CUL2: variants seen among roughly 807,000 people sequenced by gnomAD.
The protein encoded by CUL2 is cullin 2.
CUL2 carries 22 observed loss-of-function variants against 110.2 expected under a neutral mutation model. That is an observed-to-expected ratio of 0.20 (90% confidence interval 0.14 to 0.28). CUL2 has a LOEUF of 0.28. Ranked by LOEUF, CUL2 falls within the 10% of genes least tolerant of loss-of-function variation. CUL2 has a pLI of 1.00. For missense variants in CUL2, 631 were observed against 905.5 expected, an observed-to-expected ratio of 0.70 and a Z score of 3.89; for synonymous variants, 279 against 293.2, an observed-to-expected ratio of 0.95 and a Z score of 0.49.
chr10:35,049,327 C>G (rs528271808), intron 6 of CUL2, among the ~76,000 whole-genome samples: 1 of 152,214 alleles, frequency 6.6e-6, no homozygotes, highest in African/African-American at 2.4e-5. Context: ...GTGGTCCTCA[C>G]GAGGATTTAA....
intron 17 of CUL2, among the ~76,000 whole-genome samples, chr10:35,022,286 A>G (rs1039983567): frequency 6.6e-6 from 1 of 152,220 alleles, no homozygotes; most frequent in South Asian, 2.1e-4. Context: ...TTGTGAGCTA[A>G]TAACTCCAGC....
chr10:35,059,982 A>G (rs2148482), intron 4 of CUL2, among the ~76,000 whole-genome samples: 50,058 of 152,222 alleles, frequency 0.33, 8,319 homozygotes, highest in South Asian at 0.35. Context: ...TAATTTAGCC[A>G]GGCACAGTGG....
chr10:35,079,949 T>G (rs2086906670), intron 1 of CUL2, among the ~76,000 whole-genome samples: 1 of 152,236 alleles, frequency 6.6e-6, no homozygotes, highest in Non-Finnish European at 1.5e-5. Context: ...GTAGAGATGC[T>G]GGACAAAGGG....
intron 1 of CUL2, among the ~76,000 whole-genome samples, chr10:35,072,372 CTTTTT>C (rs150456156): frequency 7.0e-6 from 1 of 142,930 alleles, no homozygotes. Flanking sequence ...ACTTAATGGG[CTTTTT>C]TTTTTTTTTG....
intron 2 of CUL2, among the ~76,000 whole-genome samples, chr10:35,097,713 C>A (rs1014302473): frequency 6.6e-6 from 1 of 152,094 alleles, no homozygotes. Context: ...GCAATTGACA[C>A]TTTGGGAGTC....
chr10:35,016,481 G>T, intron 17 of CUL2, 87 bp from the exon 18 acceptor site: 1 of 999,188 alleles, frequency 1.0e-6, no homozygotes, highest in Non-Finnish European at 1.5e-6. Context: ...TCTTCGGAAA[G>T]AGTGAACCAA....
At chr10:35,021,841 T>C (rs1255930813) in intron 17 of CUL2, among the ~76,000 whole-genome samples, 13 of 73,236 alleles carry the variant, frequency 1.8e-4, no homozygotes, top group East Asian at 9.3e-4. Context: ...CGAGGTGAGG[T>C]GAGGTGAGGT....
At chr10:35,042,761 AAGTG>A in intron 8 of CUL2, among the ~76,000 whole-genome samples, 1 of 152,174 alleles carries the variant, frequency 6.6e-6, no homozygotes, top group East Asian at 1.9e-4. Flanking sequence ...AGTAAACATT[AAGTG>A]AGTGTTTCCC....
At chr10:35,079,110 C>T (rs2086888213) in intron 1 of CUL2, among the ~76,000 whole-genome samples, 1 of 152,142 alleles carries the variant, frequency 6.6e-6, no homozygotes, top group Non-Finnish European at 1.5e-5. Context: ...ACATACATAC[C>T]TATGATAAAG....
chr10:35,016,657 C>G (rs1277409146), intron 17 of CUL2, among the ~76,000 whole-genome samples: 2 of 152,024 alleles, frequency 1.3e-5, no homozygotes, highest in African/African-American at 2.4e-5. Flanking sequence ...CCAGGCGCAG[C>G]GGCTCACGCC....
intron 17 of CUL2, among the ~76,000 whole-genome samples, chr10:35,023,032 G>A (rs372036036): frequency 1.3e-5 from 2 of 152,190 alleles, no homozygotes; most frequent in African/African-American, 4.8e-5. Context: ...GACAGAGCAA[G>A]ACCCCATCTC....
At chr10:35,095,736 T>A (rs946612811) in intron 2 of CUL2, among the ~76,000 whole-genome samples, 3 of 152,094 alleles carry the variant, frequency 2.0e-5, no homozygotes, top group Non-Finnish European at 4.4e-5. Context: ...TTTTTTTGTA[T>A]TTTTAGTAGA....
At chr10:35,095,038 G>A (rs1338920348), upstream of CUL2, among the ~76,000 whole-genome samples, 1 of 151,986 alleles carries the variant, frequency 6.6e-6, no homozygotes, top group Admixed American at 6.6e-5. Flanking sequence ...AATGTTGGCG[G>A]GGCACAATGG....
At chr10:35,103,308 A>ATTTTTTTTTT (rs67257350) in intron 1 of CUL2, among the ~76,000 whole-genome samples, 16 of 94,572 alleles carry the variant, frequency 1.7e-4, no homozygotes, top group African/African-American at 3.7e-4. Flanking sequence ...GGCCAAGCTA[A>ATTTTTTTTTT]TTTTTTTTTT....
rs1459287945 is a variant in CUL2 at position 35,039,137 on chromosome 10, T to A, written c.715-55A>T. The A allele has an allele frequency of 2.5e-6, 3 of 1,194,314 alleles. No homozygotes were observed. The East Asian group carries it at 7.9e-5, about 32-fold the overall frequency. The allele number at this position is 1,194,314 out of a possible 1,614,324, so 74.0% of individuals were successfully genotyped here. On this transcript the variant is annotated intron_variant, in intron 8 of 20. Coordinates refer to ENST00000374749, the MANE Select transcript of CUL2 (RefSeq NM_003591.4). The stretch of plus-strand genomic sequence containing the variant: ...CACAAAGTTTTACTATGAGGAAAAA[T>A]CTGTAATATCAGCAAGTAACTCAGC...
chr10:35,019,735 C>T (rs530105583), intron 17 of CUL2, among the ~76,000 whole-genome samples: 48 of 152,300 alleles, frequency 3.2e-4, no homozygotes, highest in African/African-American at 1.0e-3. Flanking sequence ...AAGTCACTCC[C>T]CAGTATCTGT....
upstream of CUL2, among the ~76,000 whole-genome samples, chr10:35,095,495 A>G (rs2135095741): frequency 6.6e-6 from 1 of 152,262 alleles, no homozygotes; most frequent in East Asian, 1.9e-4. Context: ...GCTATTTTGT[A>G]GTCAGCTATT....
chr10:35,026,595 C>T (rs147241096), intron 16 of CUL2, among the ~76,000 whole-genome samples: 720 of 152,080 alleles, frequency 4.7e-3, no homozygotes, highest in Non-Finnish European at 7.0e-3. Flanking sequence ...GTTTTATTGA[C>T]GATAATATCA....
intron 1 of CUL2, among the ~76,000 whole-genome samples, chr10:35,119,631 T>C (rs980987993): frequency 6.6e-6 from 1 of 151,784 alleles, no homozygotes; most frequent in Non-Finnish European, 1.5e-5. Flanking sequence ...CTCACTCTGT[T>C]ATCCAGGTTA....
Sources: allele counts gnomAD v4.1 joint callset (sites outside exome capture counted in the v4.1 genomes callset), GRCh38; gene constraint gnomAD v4.1.1; transcripts MANE v1.5; gene names NCBI Gene and HGNC (gene_info 2026-07-23, HGNC 2026-07-21).